Variants in GLYAT observed in about 807,000 individuals in gnomAD.
GLYAT encodes the protein glycine N-acyltransferase.
A neutral mutation model predicts 22.8 loss-of-function variants in GLYAT; 25 were observed. The observed-to-expected ratio is 1.09, with a 90% CI of 0.80 to 1.53. The LOEUF (loss-of-function observed/expected upper bound fraction) is 1.53, where lower values mean the gene tolerates loss of function less well. Ranked by LOEUF, GLYAT falls within the 40% of genes most tolerant of loss-of-function variation. The pLI is 0.00. For missense variants in GLYAT, 411 were observed against 353.9 expected, an observed-to-expected ratio of 1.16 and a Z score of -1.29; for synonymous variants, 140 against 122.7, an observed-to-expected ratio of 1.14 and a Z score of -0.93.
Position 58,710,658 on chromosome 11 carries a change from G to A in GLYAT, c.420C>T (p.Ala140=). 2.5e-6 allele frequency: 4 copies of A among 1,610,766 alleles called. No homozygotes were observed. Among genetic ancestry groups the A allele is most frequent in the Non-Finnish European group, 3.4e-6 (4 of 1,176,976 alleles). ...TCAGCAGGAAAGGAGTCAGTTCCTT[G>A]GCTGTTTCAGCTGCCATATAGAGAA... The part of the protein sequence containing the change: ...QRILYMAAET[A]KELTPFLLKS... Residue 140 remains alanine, a synonymous_variant, in exon 5 of 6, where the codon GCC becomes GCT. Coordinates refer to ENST00000344743, the MANE Select transcript of GLYAT (RefSeq NM_201648.3).
intron 1 of GLYAT, among the ~76,000 whole-genome samples, chr11:58,728,053 CTTT>C (rs1173955703): frequency 7.6e-3 from 517 of 68,456 alleles, no homozygotes; most frequent in East Asian, 0.021. Flanking sequence ...TGCTCTAAAG[CTTT>C]TTTTTTTTTT....
At position 58,712,930 on chromosome 11, in the gene GLYAT, T is replaced by G. The variant is rs753153964; in HGVS notation, c.190-44A>C. On this transcript the variant is annotated intron_variant, in intron 3 of 5. Transcript: ENST00000344743. ...AGGAAATAAAACACATCCTTATATT[T>G]TATGATTACATATAATTTTATACTG... 4 of 1,310,452 alleles carry G rather than the reference T, an allele frequency of 3.1e-6. No homozygotes were observed. In the South Asian group the frequency reaches 5.3e-5, roughly 17 times the overall value. 81.2% of individuals were successfully genotyped at this position (1,310,452 alleles called of 1,614,324 possible).
At position 58,710,595 on chromosome 11, in the gene GLYAT, C is replaced by T; in HGVS notation, c.483G>A (p.Lys161=). Residue 161 remains lysine, a synonymous_variant, in exon 5 of 6, where the codon AAG becomes AAA. Transcript: ENST00000344743. ...CTGGATTTTATCAAACTCACATGGC[C>T]TTGGGTTTGCCACCATTGGGAGATA... ...KILSPNGGKP[K]AINQEMFKLS... 1.3e-6 allele frequency: 2 copies of T among 1,598,660 alleles called. No individual in the cohort carries two copies. The highest frequency in any genetic ancestry group is 1.7e-6 in the Non-Finnish European group (2 of 1,165,708).
rs1856602693 is a variant in GLYAT at position 58,710,592 on chromosome 11, G to A, written c.486C>T (p.Ala162=). The A allele has an allele frequency of 1.3e-5, 21 of 1,593,736 alleles. No homozygotes were observed. The highest frequency in any genetic ancestry group is 1.6e-5 in the Non-Finnish European group (19 of 1,161,236). ...ILSPNGGKPK[A]INQEMFKLSS... The stretch of plus-strand genomic sequence containing the variant: ...AGACTGGATTTTATCAAACTCACAT[G>A]GCCTTGGGTTTGCCACCATTGGGAG... Residue 162 remains alanine, a splice_region_variant and synonymous_variant, in exon 5 of 6, where the codon GCC becomes GCT. Transcript: ENST00000344743.
At position 58,728,837 on chromosome 11, in the gene GLYAT, A is replaced by G. The variant is rs566961871; in HGVS notation, c.-16+2998T>C. On this transcript the variant is annotated intron_variant, in intron 1 of 5. Transcript: ENST00000344743. ...GAGAGAGAAAGAAAAAGAAAAAGAAAAAAAGGAAAGAAAGAAGAAAGAAAG... is the reference window on the plus strand; with the variant it reads ...GAGAGAGAAAGAAAAAGAAAAAGAAGAAAAGGAAAGAAAGAAGAAAGAAAG... 1.1e-4 allele frequency: 16 copies of G among 150,544 alleles called. No individual in the cohort carries two copies. In the East Asian group the frequency reaches 3.1e-3, roughly 29 times the overall value. 9.3% of individuals were successfully genotyped at this position (150,544 alleles called of 1,614,324 possible). A position where few individuals can be genotyped will look rare whatever the true frequency, so the allele number is the denominator to read the frequency against.
At chr11:58,718,515 C>G (rs1856711063) in intron 2 of GLYAT, among the ~76,000 whole-genome samples, 3 of 151,944 alleles carry the variant, frequency 2.0e-5, no homozygotes, top group African/African-American at 7.2e-5. Flanking sequence ...TCACAATCTC[C>G]AAAGTTATCA....
chr11:58,720,953 C>T (rs1266219574), intron 2 of GLYAT, among the ~76,000 whole-genome samples: 1 of 151,894 alleles, frequency 6.6e-6, no homozygotes. Context: ...GTTACATAAA[C>T]TTGAAAAAGG....
Position 58,710,591 on chromosome 11 carries a change from T to A in GLYAT, c.487A>T (p.Ile163Phe). Residue 163 changes from isoleucine (I) to phenylalanine (F), a missense_variant and splice_region_variant, in exon 5 of 6, where the codon ATC becomes TTC. By Grantham distance (21) the Ile-to-Phe change is conservative. Coordinates refer to ENST00000344743, the MANE Select transcript of GLYAT (RefSeq NM_201648.3). ...TAGACTGGATTTTATCAAACTCACA[T>A]GGCCTTGGGTTTGCCACCATTGGGA... is the stretch of plus-strand genomic sequence containing the variant. Reference protein sequence around the residue: ...LSPNGGKPKAINQEMFKLSSM... With the variant: ...LSPNGGKPKAFNQEMFKLSSM... The A allele has an allele frequency of 6.3e-7, 1 of 1,594,088 alleles. No homozygotes were observed.
chr11:58,711,053 A>G (rs1856610602), intron 4 of GLYAT, among the ~76,000 whole-genome samples: 1 of 152,192 alleles, frequency 6.6e-6, no homozygotes, highest in Non-Finnish European at 1.5e-5. Context: ...AAAGAAATCA[A>G]TGTACTTTGT....
intron 1 of GLYAT, among the ~76,000 whole-genome samples, chr11:58,731,566 T>G (rs1856872141): frequency 6.6e-6 from 1 of 152,196 alleles, no homozygotes; most frequent in Non-Finnish European, 1.5e-5. Flanking sequence ...AAATAAATTT[T>G]ATTGTGGATA....
chr11:58,717,378 T>C (rs190215179), intron 2 of GLYAT, among the ~76,000 whole-genome samples: 1 of 151,842 alleles, frequency 6.6e-6, no homozygotes, highest in East Asian at 1.9e-4. Flanking sequence ...CCTGGAAAAA[T>C]AGATATAGGC....
intron 1 of GLYAT, among the ~76,000 whole-genome samples, chr11:58,729,359 T>C (rs978873102): frequency 1.3e-5 from 2 of 152,218 alleles, no homozygotes; most frequent in Non-Finnish European, 2.9e-5. Context: ...TAAGTGTTTA[T>C]GCATATTTTA....
At chr11:58,727,170 T>C (rs1306685318) in intron 1 of GLYAT, among the ~76,000 whole-genome samples, 2 of 152,162 alleles carry the variant, frequency 1.3e-5, no homozygotes, top group Non-Finnish European at 2.9e-5. Context: ...AGTGTCTTTT[T>C]TGGCAATGTA....
In GLYAT at chr11:58,730,485, C is replaced by T. The variant is rs1347975954; in HGVS notation, c.-16+1350G>A. ...AATCAGACCTCATTCAGATCTTTCC[C>T]ACTACCTTGCTTTTACTGCAGCTAC... is the stretch of plus-strand genomic sequence containing the variant. On this transcript the variant is annotated intron_variant, in intron 1 of 5. Coordinates refer to ENST00000344743, the MANE Select transcript of GLYAT (RefSeq NM_201648.3). Among the ~76,000 whole-genome samples, 3 of 152,138 alleles carry T rather than the reference C, an allele frequency of 2.0e-5. No individual in the cohort carries two copies. The East Asian group carries it at 5.8e-4, about 29-fold the overall frequency.
At chr11:58,728,836 AAAAAAG>A (rs1386931032) in intron 1 of GLYAT, 1 of 145,404 alleles carries the variant, frequency 6.9e-6, no homozygotes, top group Non-Finnish European at 1.5e-5. Context: ...AAGAAAAAGA[AAAAAAG>A]GAAAGAAAGA....
rs747520674 is a variant in GLYAT at position 58,712,749 on chromosome 11, C to T, written c.316+11G>A. Reference sequence around the variant, plus strand: ...AAGTGAGTCAGCACACATCCCATTCCTCTTACTTACTTTGAATCTGTAAAT... The same window carrying T: ...AAGTGAGTCAGCACACATCCCATTCTTCTTACTTACTTTGAATCTGTAAAT... On this transcript the variant is annotated intron_variant, in intron 4 of 5. Transcript: ENST00000344743. 3 of 1,612,006 alleles carry T rather than the reference C, an allele frequency of 1.9e-6. No homozygotes were observed. The Admixed American group carries it at 5.0e-5, about 27-fold the overall frequency.
chr11:58,712,695 A>T (rs1856630509), intron 4 of GLYAT, 65 bp downstream of exon 4: 1 of 1,398,220 alleles, frequency 7.2e-7, no homozygotes, highest in Non-Finnish European at 1.0e-6. Context: ...AGGAGGTATA[A>T]GTCATATGAA....
At chr11:58,722,367 C>T (rs1305847258) in intron 2 of GLYAT, among the ~76,000 whole-genome samples, 1 of 152,040 alleles carries the variant, frequency 6.6e-6, no homozygotes, top group Non-Finnish European at 1.5e-5. Flanking sequence ...AGTTCTGATG[C>T]CATGTGCCCA....
At position 58,709,570 on chromosome 11, in the gene GLYAT, G is replaced by T. The variant is rs951554413; in HGVS notation, c.*196C>A. 3.7e-6 allele frequency: 2 copies of T among 544,906 alleles called. No homozygotes were observed. Among genetic ancestry groups the T allele is most frequent in the African/African-American group, 3.8e-5 (2 of 53,326 alleles). The allele number at this position is 544,906 out of a possible 1,614,324, so 33.8% of individuals were successfully genotyped here. ...TTATGTCAAATGTAAGAGGACCTGG[G>T]CCTGCTTCCCACTGAGAAACCTGTG... is the stretch of plus-strand genomic sequence containing the variant. On this transcript the variant is annotated 3_prime_UTR_variant, in exon 6 of 6. Transcript: ENST00000344743.
Sources: allele counts gnomAD v4.1 joint callset (sites outside exome capture counted in the v4.1 genomes callset), GRCh38; gene constraint gnomAD v4.1.1; transcripts MANE v1.5; gene names NCBI Gene and HGNC (gene_info 2026-07-23, HGNC 2026-07-21).